LOC400499: variants seen among roughly 807,000 people sequenced by gnomAD.
At chr16:11,403,905 G>GC in the LOC400499 span, among the ~76,000 whole-genome samples, 1 of 152,194 alleles carries the variant, frequency 6.6e-6, no homozygotes, top group East Asian at 1.9e-4. Context: ...CTCAGGATAA[G>GC]CCCCAGCTCC....
chr16:11,465,458 G>T, the LOC400499 span: 5 of 152,232 alleles, frequency 3.3e-5, no homozygotes. Flanking sequence ...TTCTTCGCAG[G>T]ATGGAGGGCA....
chr16:11,401,195 G>T, the LOC400499 span: 3 of 398,738 alleles, frequency 7.5e-6, no homozygotes, highest in African/African-American at 4.1e-5. Flanking sequence ...GAGGTGCCCA[G>T]CCCCACAGGC....
chr16:11,494,614 A>AC, the LOC400499 span: 2 of 398,676 alleles, frequency 5.0e-6, no homozygotes, highest in African/African-American at 4.1e-5. Context: ...TACAGTTCTC[A>AC]CCCAAGGCGT....
At chr16:11,421,587 A>G in the LOC400499 span, among the ~76,000 whole-genome samples, 1 of 152,160 alleles carries the variant, frequency 6.6e-6, no homozygotes, top group Non-Finnish European at 1.5e-5. Context: ...TATTTTTAGT[A>G]GAGACAGGGT....
chr16:11,478,003 C>T, the LOC400499 span: 2 of 398,822 alleles, frequency 5.0e-6, no homozygotes, highest in African/African-American at 2.1e-5. Context: ...GCACCTCCTG[C>T]CCCTGCAGCC....
At chr16:11,382,998 G>GGCTT in the LOC400499 span, among the ~76,000 whole-genome samples, 1 of 152,082 alleles carries the variant, frequency 6.6e-6, no homozygotes, top group Non-Finnish European at 1.5e-5. Flanking sequence ...GCATTTGCTT[G>GGCTT]GCTTCTGGGA....
At chr16:11,408,155 G>A in the LOC400499 span, among the ~76,000 whole-genome samples, 1 of 151,838 alleles carries the variant, frequency 6.6e-6, no homozygotes, top group African/African-American at 2.4e-5. Flanking sequence ...ACTAATTTTT[G>A]TATTTTTAGT....
the LOC400499 span, among the ~76,000 whole-genome samples, chr16:11,423,459 T>C: frequency 6.6e-6 from 1 of 152,222 alleles, no homozygotes; most frequent in Non-Finnish European, 1.5e-5. Context: ...GCTCCCAGCA[T>C]GCAGGGCCTC....
the LOC400499 span, chr16:11,384,280 T>C: frequency 1.6e-6 from 2 of 1,232,420 alleles, no homozygotes; most frequent in Non-Finnish European, 2.0e-6. Flanking sequence ...CATCAGCTCA[T>C]TGCCTGCTTC....
chr16:11,375,996 C>A, the LOC400499 span, among the ~76,000 whole-genome samples: 1 of 152,200 alleles, frequency 6.6e-6, no homozygotes, highest in Non-Finnish European at 1.5e-5. Flanking sequence ...GCCTCGGGCT[C>A]CCAAAGTGCT....
At chr16:11,404,689 C>T in the LOC400499 span, 1 of 399,038 alleles carries the variant, frequency 2.5e-6, no homozygotes, top group Non-Finnish European at 4.4e-6. Context: ...TGCCTGCAGC[C>T]CCTCACACAC....
chr16:11,455,932 T>C, the LOC400499 span, among the ~76,000 whole-genome samples: 1 of 151,826 alleles, frequency 6.6e-6, no homozygotes, highest in Admixed American at 6.6e-5. Flanking sequence ...TGAGCCCCCA[T>C]GGGACCCAGC....
At chr16:11,469,724 C>G in the LOC400499 span, 3 of 398,920 alleles carry the variant, frequency 7.5e-6, no homozygotes, top group African/African-American at 6.2e-5. Flanking sequence ...TTCAGACACT[C>G]ACATTGTTGT....
chr16:11,384,195 C>T, the LOC400499 span: 1 of 1,226,430 alleles, frequency 8.2e-7, no homozygotes, highest in Non-Finnish European at 1.0e-6. Context: ...GGAAGCAGGA[C>T]AGGCAGGTGC....
At chr16:11,466,846 C>G in the LOC400499 span, among the ~76,000 whole-genome samples, 3 of 152,068 alleles carry the variant, frequency 2.0e-5, no homozygotes, top group East Asian at 3.9e-4. Context: ...TCAATGAAAT[C>G]TACAATAGAA....
the LOC400499 span, among the ~76,000 whole-genome samples, chr16:11,441,805 A>ACT: frequency 6.6e-6 from 1 of 151,720 alleles, no homozygotes; most frequent in African/African-American, 2.4e-5. Context: ...AAGGAAACAG[A>ACT]CTCTCCTCTG....
At chr16:11,413,476 T>C in the LOC400499 span, among the ~76,000 whole-genome samples, 2 of 152,124 alleles carry the variant, frequency 1.3e-5, no homozygotes, top group Non-Finnish European at 2.9e-5. Flanking sequence ...TCTGTGGCTC[T>C]TGGAGAAGGA....
the LOC400499 span, among the ~76,000 whole-genome samples, chr16:11,430,865 G>T: frequency 1.3e-5 from 2 of 152,160 alleles, no homozygotes; most frequent in Non-Finnish European, 2.9e-5. Context: ...CAGAATGCAT[G>T]TTCATTTCTC....
chr16:11,521,689 C>T, the LOC400499 span, among the ~76,000 whole-genome samples: 3 of 152,156 alleles, frequency 2.0e-5, no homozygotes, highest in African/African-American at 7.2e-5. Context: ...CTTCTCACTC[C>T]ACGAACTCCC....
Sources: gnomAD v4.1 joint callset for allele counts (sites outside exome capture counted in the v4.1 genomes callset) on GRCh38, gnomAD v4.1.1 for gene constraint, MANE v1.5 for transcripts.